Variants in KIAA1549 observed in about 807,000 individuals in gnomAD.
KIAA1549 encodes UPF0606 protein KIAA1549.
In KIAA1549, 70 loss-of-function variants were observed where a neutral mutation model predicts 156.4. The observed-to-expected ratio is 0.45, with a 90% CI of 0.37 to 0.55. KIAA1549 has a LOEUF of 0.55. Ranked by LOEUF, KIAA1549 falls within the 20% of genes least tolerant of loss-of-function variation. The pLI is 0.00. For synonymous variants in KIAA1549, 1,103 were observed against 1,066.4 expected, an observed-to-expected ratio of 1.03 and a Z score of -0.67; for missense variants, 2,428 against 2,540.9, an observed-to-expected ratio of 0.96 and a Z score of 0.96.
chr7:138,945,587 C>T (rs2774963), intron 1 of KIAA1549, among the ~76,000 whole-genome samples: 76,199 of 152,076 alleles, frequency 0.5, 23,306 homozygotes, highest in African/African-American at 0.87. Context: ...TGGCTCTCTG[C>T]ACTCATATTT....
At chr7:138,852,537 A>G (rs1810264877) in intron 16 of KIAA1549, among the ~76,000 whole-genome samples, 1 of 152,196 alleles carries the variant, frequency 6.6e-6, no homozygotes, top group African/African-American at 2.4e-5. Context: ...TGAATAGCTG[A>G]CAGGCTTGCT....
rs77720051 is a variant in KIAA1549 at position 138,863,129 on chromosome 7, T to C, written c.4930-1673A>G. ...ACCAACGAAGAAGAGTCATCCTTTC[T>C]GGTCTTACAGGCTCCATGAGCCCAA... On this transcript the variant is annotated intron_variant, in intron 15 of 19. Coordinates refer to ENST00000422774, the MANE Select transcript of KIAA1549 (RefSeq NM_001164665.2). Among the ~76,000 whole-genome samples the C allele has an allele frequency of 4.8e-3, 733 of 152,136 alleles. 5 individuals carry two copies. The highest frequency in any genetic ancestry group is 0.017 in the African/African-American group (707 of 41,488).
At chr7:138,937,700 G>A (rs555325842) in intron 1 of KIAA1549, among the ~76,000 whole-genome samples, 1 of 152,286 alleles carries the variant, frequency 6.6e-6, no homozygotes, top group East Asian at 1.9e-4. Context: ...ATGTGGAAAT[G>A]GCTCATACGA....
chr7:138,890,988 A>C (rs977349148), intron 10 of KIAA1549, among the ~76,000 whole-genome samples: 5 of 152,018 alleles, frequency 3.3e-5, no homozygotes, highest in African/African-American at 9.7e-5. Flanking sequence ...GCCCGCCTTC[A>C]TCTCCACCGT....
intron 10 of KIAA1549, among the ~76,000 whole-genome samples, chr7:138,885,258 A>G (rs1017938336): frequency 1.4e-4 from 22 of 152,184 alleles, no homozygotes; most frequent in Non-Finnish European, 2.8e-4. Context: ...ATAAAAATGT[A>G]TATGTGGAGT....
chr7:138,931,612 C>T (rs1346752712), intron 1 of KIAA1549, among the ~76,000 whole-genome samples: 7 of 151,888 alleles, frequency 4.6e-5, no homozygotes, highest in Admixed American at 3.9e-4. Context: ...ACTAGCCAGG[C>T]GTGGTGGCAG....
intron 1 of KIAA1549, among the ~76,000 whole-genome samples, chr7:138,967,145 G>A (rs1401652011): frequency 1.3e-5 from 2 of 152,196 alleles, no homozygotes; most frequent in African/African-American, 2.4e-5. Flanking sequence ...CCTGCACAGA[G>A]CAGGCAAAGA....
chr7:138,852,003 T>C (rs1474039671), intron 17 of KIAA1549, among the ~76,000 whole-genome samples: 1 of 152,254 alleles, frequency 6.6e-6, no homozygotes, highest in African/African-American at 2.4e-5. Flanking sequence ...GCTTTTCCAG[T>C]TGTCCTCAGC....
At chr7:138,944,918 T>C (rs1282102829) in intron 1 of KIAA1549, among the ~76,000 whole-genome samples, 2 of 152,384 alleles carry the variant, frequency 1.3e-5, no homozygotes, top group South Asian at 4.1e-4. Flanking sequence ...CACTGCCCAC[T>C]GTCCAGCCAG....
intron 9 of KIAA1549, among the ~76,000 whole-genome samples, chr7:138,894,922 A>G (rs1269051862): frequency 6.6e-6 from 1 of 152,202 alleles, no homozygotes; most frequent in East Asian, 1.9e-4. Context: ...AGAGAAAAAC[A>G]GCTGTGTCTC....
At chr7:138,869,884 C>T in intron 13 of KIAA1549, 123 bp from the exon 14 acceptor site, 1 of 742,934 alleles carries the variant, frequency 1.3e-6, no homozygotes, top group South Asian at 1.9e-5. Context: ...GAGTCTCACT[C>T]TGTTGCCCAG....
chr7:138,917,670 C>T lies in KIAA1549; in HGVS notation c.1956G>A (p.Pro652=), dbSNP rs1404603783. 1 of 1,611,900 alleles carries T rather than the reference C, an allele frequency of 6.2e-7. No homozygotes were observed. The highest frequency in any genetic ancestry group is 8.5e-7 in the Non-Finnish European group (1 of 1,178,938). Residue 652 remains proline, a synonymous_variant, in exon 2 of 20, where the codon CCG becomes CCA. Transcript: ENST00000422774. ...GAGATGTGAAGGGGGACAAGTCACT[C>T]GGCATCAGAGACAGAGACGCAGGTG... is the stretch of plus-strand genomic sequence containing the variant. ...SEAPASLSLM[P]SDLSPFTSQS... is the part of the protein sequence containing the mutation.
chr7:138,947,191 G>A (rs1053839696), intron 1 of KIAA1549, among the ~76,000 whole-genome samples: 15 of 152,194 alleles, frequency 9.9e-5, no homozygotes, highest in African/African-American at 3.6e-4. Flanking sequence ...GCTGACCCAA[G>A]ATGAAACGTT....
intron 10 of KIAA1549, among the ~76,000 whole-genome samples, chr7:138,883,880 A>G (rs1282782497): frequency 1.3e-5 from 2 of 152,132 alleles, no homozygotes; most frequent in Admixed American, 1.3e-4. Flanking sequence ...CCTGGTGTAC[A>G]CCGCCTAAAA....
intron 2 of KIAA1549, among the ~76,000 whole-genome samples, chr7:138,915,979 A>C (rs1325222335): frequency 6.6e-6 from 1 of 152,262 alleles, no homozygotes; most frequent in Non-Finnish European, 1.5e-5. Context: ...ATGCAACTGC[A>C]AGGGAAGCTG....
At position 138,840,120 on chromosome 7, in the gene KIAA1549, A is replaced by G. The variant is rs1017747041; in HGVS notation, c.5598+13T>C. On this transcript the variant is annotated intron_variant, in intron 19 of 19. Transcript: ENST00000422774. ...CTAAATTTTAAATGATGACCCAAAC[A>G]GGAGATACTCACGGCCTCTCTTCGC... 6.5e-7 allele frequency: 1 copy of G among 1,548,942 alleles called. No homozygotes were observed. Among genetic ancestry groups the G allele is most frequent in the Non-Finnish European group, 8.7e-7 (1 of 1,145,342 alleles).
chr7:138,855,303 G>A (rs756146750), intron 16 of KIAA1549, among the ~76,000 whole-genome samples: 7 of 152,164 alleles, frequency 4.6e-5, no homozygotes, highest in South Asian at 2.1e-4. Context: ...CATCCAAGGC[G>A]TTGGACCTTC....
In KIAA1549 at chr7:138,879,598, C is replaced by A; in HGVS notation, c.4285G>T (p.Ala1429Ser). ...ACGGCTCCCGGCGTCTTATCTCCTGCGTCCCTCTCGCTGGACTCTTCACTG... is the reference window on the plus strand; with the variant it reads ...ACGGCTCCCGGCGTCTTATCTCCTGAGTCCCTCTCGCTGGACTCTTCACTG... ...TVSEESSERD[A>S]GDKTPGAVND... The change falls in exon 12 of 20, where the codon GCA (alanine) becomes TCA (serine). Residue 1429 changes from alanine to serine, a missense_variant. By Grantham distance (99) the Ala-to-Ser change is moderately conservative (BLOSUM62 1). Coordinates refer to ENST00000422774, the MANE Select transcript of KIAA1549 (RefSeq NM_001164665.2). 1 of 1,567,548 alleles carries A rather than the reference C, an allele frequency of 6.4e-7. No homozygotes were observed. The highest frequency in any genetic ancestry group is 8.6e-7 in the Non-Finnish European group (1 of 1,156,092).
rs1168077153 is a variant in KIAA1549, at chr7:138,879,663, C to A, written c.4230-10G>T. The A allele has an allele frequency of 7.0e-7, 1 of 1,438,690 alleles. No homozygotes were observed. Among genetic ancestry groups the A allele is most frequent in the Non-Finnish European group, 9.4e-7 (1 of 1,058,396 alleles). 89.1% of individuals were successfully genotyped at this position (1,438,690 alleles called of 1,614,324 possible). On this transcript the variant is annotated splice_polypyrimidine_tract_variant and intron_variant, in intron 11 of 19. Coordinates refer to ENST00000422774, the MANE Select transcript of KIAA1549 (RefSeq NM_001164665.2). ...ATCTGAGGGAGAAACTCTGCAGACA[C>A]AAAATGAATTGCAAACATTAGAAAC...
Sources: allele counts gnomAD v4.1 joint callset (sites outside exome capture counted in the v4.1 genomes callset), GRCh38; gene constraint gnomAD v4.1.1; transcripts MANE v1.5; gene names NCBI Gene and HGNC (gene_info 2026-07-23, HGNC 2026-07-21).